Variants in MYO15A observed in about 807,000 individuals in gnomAD.
MYO15A encodes the protein unconventional myosin-XV.
A neutral mutation model predicts 394.6 loss-of-function variants in MYO15A; 308 were observed. The ratio of observed to expected loss-of-function variants is 0.78; its 90% confidence interval spans 0.71 to 0.86. The LOEUF (loss-of-function observed/expected upper bound fraction) is 0.86. Among genes scored for constraint, MYO15A ranks in the 40% least tolerant of loss-of-function variants. The pLI, the probability that MYO15A is intolerant of heterozygous loss-of-function variation, is 0.00. For synonymous variants in MYO15A, 1,957 were observed against 2,003.8 expected (o/e 0.98, Z 0.62); for missense variants, 4,606 against 4,799.1 (o/e 0.96, Z 1.19).
At chr17:18,127,592 G>A (rs1403412158) in intron 7 of MYO15A, among the ~76,000 whole-genome samples, 1 of 152,082 alleles carries the variant, frequency 6.6e-6, no homozygotes, top group Non-Finnish European at 1.5e-5. Context: ...GGGTGGGGTG[G>A]GGGAGGCAGT....
Position 18,119,496 on chromosome 17 carries a change from G to T in MYO15A, c.696G>T (p.Leu232=). 6.2e-7 allele frequency: 1 copy of T among 1,612,504 alleles called. No individual in the cohort carries two copies. The change falls in exon 2 of 66, where the codon CTG becomes CTT. Residue 232 remains leucine, a synonymous_variant. Transcript: ENST00000647165. ...ACGGGCTTGAGGGCTTCCAGGACCT[G>T]GGCGAGTATTATGACTATCACCGCG... ...SLYGLEGFQD[L]GEYYDYHRDG...
In MYO15A at chr17:18,119,309, G is replaced by A. The variant is rs757868524; in HGVS notation, c.509G>A (p.Arg170His). Residue 170 changes from arginine (R) to histidine (H), a missense_variant, in exon 2 of 66, where the codon CGC becomes CAC. Physicochemically the swap from Arg to His is conservative, Grantham distance 29. Around this residue, in one of 2 missense-constraint regions of MYO15A, gnomAD observed 1,830 missense variants for 1,689.7 expected, o/e 1.08. Coordinates refer to ENST00000647165, the MANE Select transcript of MYO15A (RefSeq NM_016239.4). ...CGCTCGAGCTCCCGCATGGGCTCCCGCAAACTCCCCTTCCCGTCGGGTGCC... is the reference window on the plus strand; with the variant it reads ...CGCTCGAGCTCCCGCATGGGCTCCCACAAACTCCCCTTCCCGTCGGGTGCC... ...LQRSSSRMGS[R>H]KLPFPSGAEI... 4 of 1,610,728 alleles carry A rather than the reference G, an allele frequency of 2.5e-6. No individual in the cohort carries two copies. Among genetic ancestry groups the A allele is most frequent in the South Asian group, 2.2e-5 (2 of 91,062 alleles).
intron 16 of MYO15A, 26 bp downstream of exon 16, chr17:18,137,705 G>T: frequency 6.2e-7 from 1 of 1,609,938 alleles, no homozygotes; most frequent in Non-Finnish European, 8.5e-7. Context: ...TAATACTCCT[G>T]TCCCTGTCTT....
chr17:18,128,801 C>T (rs1252583511), intron 7 of MYO15A, among the ~76,000 whole-genome samples: 2 of 152,080 alleles, frequency 1.3e-5, no homozygotes, highest in African/African-American at 4.8e-5. Flanking sequence ...TGAGGTGGTG[C>T]AGGAGCTGAG....
rs1454307346 is a variant in MYO15A at position 18,125,233 on chromosome 17, T to G, written c.3756+2T>G. The G allele has an allele frequency of 1.2e-6, 2 of 1,614,052 alleles. No homozygotes were observed. On this transcript the variant is annotated splice_donor_variant, in intron 4 of 65. Transcript: ENST00000647165. LOFTEE classifies it high-confidence loss of function. ...AGATTTGAACGGAACCTCATCTACG[T>G]AAGGCCTGGGGCTGGCCCTGCCCTG...
intron 63 of MYO15A, 62 bp downstream of exon 63, chr17:18,171,833 A>G (rs2046946483): frequency 1.3e-6 from 2 of 1,574,826 alleles, no homozygotes; most frequent in Non-Finnish European, 8.6e-7. Flanking sequence ...GTGGTCATGG[A>G]GGATGGGTAT....
In MYO15A at chr17:18,119,238, C is replaced by T. The variant is rs757581452; in HGVS notation, c.438C>T (p.Ala146=). The T allele has an allele frequency of 3.1e-6, 5 of 1,612,446 alleles. No homozygotes were observed. In the Admixed American group the frequency reaches 8.3e-5, roughly 27 times the overall value. ...WLTKKFLLKK[A]EESGSEQATV... ...CAAAAAAGTTCCTCCTCAAGAAGGC[C>T]GAGGAGTCGGGCAGCGAACAGGCCA... The change falls in exon 2 of 66, where the codon GCC becomes GCT. Residue 146 remains alanine, a synonymous_variant. Transcript: ENST00000647165.
Position 18,168,831 on chromosome 17 carries a change from G to A in MYO15A, c.10082+1108G>A, listed in dbSNP as rs146000253. ...GAAAAGAGGACCTTGGCCGGGCACC[G>A]TGGCTCACACTTGTAATCCCAGTAC... On this transcript the variant is annotated intron_variant, in intron 62 of 65. Coordinates refer to ENST00000647165, the MANE Select transcript of MYO15A (RefSeq NM_016239.4). Among the ~76,000 whole-genome samples the A allele has an allele frequency of 7.1e-3, 1,073 of 152,070 alleles. 9 individuals are homozygous for A. The highest frequency in any genetic ancestry group is 0.024 in the African/African-American group (990 of 41,470).
At chr17:18,170,166 C>T (rs1463391209) in intron 62 of MYO15A, among the ~76,000 whole-genome samples, 2 of 151,810 alleles carry the variant, frequency 1.3e-5, no homozygotes, top group Non-Finnish European at 2.9e-5. Flanking sequence ...CTTGTGAGAG[C>T]ACAAGAGAGA....
At position 18,149,217 on chromosome 17, in the gene MYO15A, G is replaced by A. The variant is rs1308687672; in HGVS notation, c.6958G>A (p.Val2320Met). The change falls in exon 34 of 66, where the codon GTG (valine) becomes ATG (methionine). Residue 2320 changes from valine (V) to methionine (M), a missense_variant and splice_region_variant. Physicochemically the swap from Val to Met is conservative, Grantham distance 21. Transcript: ENST00000647165. ...PAASRGGPKV[V>M]FGNSWDSDED... ...GCTCCATGTTCCTTTTCTCCACAGG[G>A]TGTTTGGGAACAGCTGGGACTCGGA... 4.3e-6 allele frequency: 7 copies of A among 1,614,042 alleles called. No homozygotes were observed. The South Asian group carries it at 7.7e-5, about 18-fold the overall frequency.
rs201618718 is a variant in MYO15A, at chr17:18,124,495, C to T, written c.3622C>T (p.Arg1208Cys). 1,357 of 1,612,292 alleles carry T rather than the reference C, an allele frequency of 8.4e-4. 2 individuals are homozygous for T. Among genetic ancestry groups the T allele is most frequent in the South Asian group, 2.4e-3 (215 of 91,064 alleles). ...CTCTCTCACACAGATGCACTCCATC[C>T]GCAACCTGCCATCCATGCGGTTCCG... ...PSWRNKMHSI[R>C]NLPSMRFREQ... Residue 1208 changes from arginine (R) to cysteine (C), a missense_variant, in exon 3 of 66, where the codon CGC becomes TGC. Transcript: ENST00000647165.
At chr17:18,113,378 C>T (rs928277490) in intron 1 of MYO15A, among the ~76,000 whole-genome samples, 1 of 152,142 alleles carries the variant, frequency 6.6e-6, no homozygotes, top group Non-Finnish European at 1.5e-5. Flanking sequence ...AACTCCTGGG[C>T]TCCTCCCATC....
intron 65 of MYO15A, among the ~76,000 whole-genome samples, chr17:18,175,261 TTCTTTTCTGGTCTTTCCTCCTCTAGACTA>T (rs1597828069): frequency 6.6e-6 from 1 of 151,040 alleles, no homozygotes; most frequent in South Asian, 2.1e-4. Flanking sequence ...CCTTCTTTGG[TTCTTTTCTGGTCTTTCCTCCTCTAGACTA>T]TCTTTTTTTT....
intron 2 of MYO15A, chr17:18,123,756 C>T (rs1351796984): frequency 6.4e-6 from 1 of 155,554 alleles, no homozygotes; most frequent in Non-Finnish European, 1.4e-5. Context: ...CCCATGTGCA[C>T]AGACGTGTGC....
chr17:18,158,000 G>A, intron 51 of MYO15A, 100 bp downstream of exon 51: 1 of 1,414,242 alleles, frequency 7.1e-7, no homozygotes, highest in Non-Finnish European at 9.2e-7. Context: ...CAAGGGCCTG[G>A]CCAGGCTCTT....
intron 65 of MYO15A, among the ~76,000 whole-genome samples, chr17:18,178,529 A>G (rs1173929603): frequency 1.3e-5 from 2 of 152,042 alleles, no homozygotes. Flanking sequence ...GCTCACACGG[A>G]GCAAAGCCGG....
chr17:18,160,717 A>G (rs1255583343), intron 56 of MYO15A: 5 of 203,858 alleles, frequency 2.5e-5, no homozygotes, highest in Non-Finnish European at 5.1e-5. Flanking sequence ...AGGAAGCCCA[A>G]GTGTTGTTCC....
At chr17:18,113,650 T>G (rs1245275249) in intron 1 of MYO15A, among the ~76,000 whole-genome samples, 1 of 150,676 alleles carries the variant, frequency 6.6e-6, no homozygotes, top group East Asian at 2.0e-4. Context: ...TTCCAGCTAC[T>G]CAGGAAGCTG....
chr17:18,125,368 A>G, intron 4 of MYO15A, 137 bp downstream of exon 4: 3 of 865,158 alleles, frequency 3.5e-6, no homozygotes, highest in Non-Finnish European at 5.8e-6. Flanking sequence ...GCCTAGAACT[A>G]AAATCTGAAG....
Sources: gnomAD v4.1 joint callset for allele counts (sites outside exome capture counted in the v4.1 genomes callset) on GRCh38, gnomAD v4.1.1 for gene constraint, gnomAD v4.1.1 regional missense constraint, MANE v1.5 for transcripts, NCBI Gene and HGNC (gene_info 2026-07-23, HGNC 2026-07-21) for gene names.